THSD7B: variants seen among roughly 807,000 people sequenced by gnomAD.
THSD7B encodes the protein thrombospondin type 1 domain containing 7B.
THSD7B carries 138 observed loss-of-function variants against 213.6 expected under a neutral mutation model. The ratio of observed to expected loss-of-function variants is 0.65; its 90% CI spans 0.56 to 0.74. The LOEUF (loss-of-function observed/expected upper bound fraction) is 0.74, where lower values mean the gene tolerates loss of function less well. THSD7B is among the 30% of genes least tolerant of loss of function. THSD7B has a pLI of 0.00. For synonymous variants in THSD7B, 742 were observed against 687.0 expected, an observed-to-expected ratio of 1.08 and a Z score of -1.25; for missense variants, 1,931 against 1,991.5, an observed-to-expected ratio of 0.97 and a Z score of 0.58.
chr2:136,934,948 T>C (rs1221369781), intron 2 of THSD7B, among the ~76,000 whole-genome samples: 2 of 152,146 alleles, frequency 1.3e-5, no homozygotes, highest in Non-Finnish European at 2.9e-5. Context: ...AATAGACAGA[T>C]TAATAGTAAT....
rs368420638 is a variant in THSD7B, at chr2:137,229,829, T to A, written c.1724-1215T>A. On this transcript the variant is annotated intron_variant, in intron 7 of 27. Coordinates refer to ENST00000409968, the MANE Select transcript of THSD7B (RefSeq NM_001316349.2). The stretch of plus-strand genomic sequence containing the variant: ...TTCAGAGTTTCTTGTGAGGACTCAA[T>A]AACATATGCAAAGCCTGAATGATAT... 8.5e-5 allele frequency among the ~76,000 whole-genome samples: 13 copies of A among 152,276 alleles called. No homozygotes were observed. The South Asian group carries it at 2.3e-3, about 27-fold the overall frequency.
chr2:137,389,298 C>A (rs924651236), intron 12 of THSD7B, among the ~76,000 whole-genome samples: 2 of 146,510 alleles, frequency 1.4e-5, no homozygotes, highest in African/African-American at 5.0e-5. Context: ...TTGAGTTTCC[C>A]TAATGATAAG....
At chr2:136,990,800 A>T in intron 2 of THSD7B, 1 of 1,000,696 alleles carries the variant, frequency 1.0e-6, no homozygotes, top group South Asian at 1.3e-5. Context: ...AGGACACGCC[A>T]CAGTGCCTGG....
At chr2:137,670,486 T>C (rs1031934190) in intron 27 of THSD7B, among the ~76,000 whole-genome samples, 12 of 19,264 alleles carry the variant, frequency 6.2e-4, no homozygotes, top group Admixed American at 3.2e-3. Flanking sequence ...TTTTTTAAAA[T>C]AGAAAAAAAA....
rs959222368 is a variant in THSD7B, at chr2:137,656,087, A to G, written c.4105+427A>G. Among the ~76,000 whole-genome samples the G allele has an allele frequency of 2.0e-5, 3 of 152,144 alleles. No homozygotes were observed. The East Asian group carries it at 5.8e-4, about 29-fold the overall frequency. On this transcript the variant is annotated intron_variant, in intron 22 of 27. Coordinates refer to ENST00000409968, the MANE Select transcript of THSD7B (RefSeq NM_001316349.2). ...AGTAAGGCTATGAGTTCATGAAAGC[A>G]CTCTGTAAATGTGAAGTTCCATATA...
chr2:137,110,557 T>C (rs980964255), intron 4 of THSD7B, among the ~76,000 whole-genome samples: 2 of 152,172 alleles, frequency 1.3e-5, no homozygotes, highest in African/African-American at 4.8e-5. Context: ...TCAGAGCTGT[T>C]TTTACATAAA....
At chr2:136,957,994 C>G (rs2105081066) in intron 2 of THSD7B, among the ~76,000 whole-genome samples, 1 of 152,090 alleles carries the variant, frequency 6.6e-6, no homozygotes, top group Non-Finnish European at 1.5e-5. Context: ...ACAGAGTTCT[C>G]CATTTTTATA....
chr2:137,588,189 A>G (rs1295202595), intron 17 of THSD7B, among the ~76,000 whole-genome samples: 2 of 152,170 alleles, frequency 1.3e-5, no homozygotes, highest in Non-Finnish European at 2.9e-5. Flanking sequence ...GAAAAAGTGC[A>G]ATATTAGGGT....
chr2:136,767,205 A>G (rs1443448999), intron 1 of THSD7B, among the ~76,000 whole-genome samples: 4 of 152,196 alleles, frequency 2.6e-5, no homozygotes, highest in Admixed American at 6.5e-5. Flanking sequence ...AAAGCCACTT[A>G]GGGTGTTACT....
intron 9 of THSD7B, among the ~76,000 whole-genome samples, chr2:137,237,173 G>C (rs1368641841): frequency 6.7e-6 from 1 of 149,200 alleles, no homozygotes; most frequent in African/African-American, 2.5e-5. Context: ...AAGAGTTGTA[G>C]AACATTCCAG....
intron 14 of THSD7B, among the ~76,000 whole-genome samples, chr2:137,430,482 C>T (rs1687152047): frequency 6.6e-6 from 1 of 152,154 alleles, no homozygotes; most frequent in African/African-American, 2.4e-5. Flanking sequence ...ATTTACCCAA[C>T]AATGTTTCTC....
chr2:137,426,020 C>T (rs767628397), intron 14 of THSD7B, among the ~76,000 whole-genome samples: 12 of 152,100 alleles, frequency 7.9e-5, no homozygotes, highest in South Asian at 2.1e-4. Flanking sequence ...AAATCAGTGG[C>T]GTTTTTATAT....
intron 12 of THSD7B, among the ~76,000 whole-genome samples, chr2:137,346,836 C>T (rs1160904149): frequency 6.6e-6 from 1 of 151,626 alleles, no homozygotes; most frequent in Non-Finnish European, 1.5e-5. Context: ...CATTGGTCGA[C>T]ATTTAGGTTG....
chr2:136,922,257 C>T (rs1684448727), intron 2 of THSD7B, among the ~76,000 whole-genome samples: 1 of 152,168 alleles, frequency 6.6e-6, no homozygotes, highest in Non-Finnish European at 1.5e-5. Context: ...TTATGTCGAA[C>T]AGTATTATGT....
At chr2:137,067,572 T>C (rs1687404988) in intron 3 of THSD7B, among the ~76,000 whole-genome samples, 2 of 152,108 alleles carry the variant, frequency 1.3e-5, no homozygotes, top group South Asian at 2.1e-4. Flanking sequence ...GGAAAGAGTC[T>C]TTTGTCCCAT....
At chr2:136,777,329 T>G (rs1681630441) in intron 1 of THSD7B, among the ~76,000 whole-genome samples, 1 of 152,184 alleles carries the variant, frequency 6.6e-6, no homozygotes, top group Non-Finnish European at 1.5e-5. Flanking sequence ...CTCCTGACCC[T>G]GTTTCCAGTT....
rs1031682895 is a variant in THSD7B at position 136,968,164 on chromosome 2, A to G, written c.139+85847A>G. ...CACTGACTGGGCATGTATATCTTCA[A>G]TCTGCTACGAATGACAGGTTATTTT... On this transcript the variant is annotated intron_variant, in intron 2 of 27. Transcript: ENST00000409968. Among the ~76,000 whole-genome samples, 6 of 152,160 alleles carry G rather than the reference A, an allele frequency of 3.9e-5. 1 individual carries two copies. Among genetic ancestry groups the G allele is most frequent in the Admixed American group, 3.3e-4 (5 of 15,270 alleles).
chr2:137,265,268 C>A (rs1306133738), intron 10 of THSD7B, among the ~76,000 whole-genome samples: 3 of 152,100 alleles, frequency 2.0e-5, no homozygotes, highest in Non-Finnish European at 2.9e-5. Flanking sequence ...AATGAGATAC[C>A]ATCTCACACC....
At chr2:136,824,547 T>C (rs1475624228) in intron 1 of THSD7B, among the ~76,000 whole-genome samples, 7 of 152,292 alleles carry the variant, frequency 4.6e-5, no homozygotes, top group Non-Finnish European at 1.0e-4. Flanking sequence ...GTGTACCAAA[T>C]ATAATCAGTG....
Sources: gnomAD v4.1 joint callset for allele counts (sites outside exome capture counted in the v4.1 genomes callset) on GRCh38, gnomAD v4.1.1 for gene constraint, MANE v1.5 for transcripts, NCBI Gene and HGNC (gene_info 2026-07-23, HGNC 2026-07-21) for gene names.